SMYD3: variants seen among roughly 807,000 people sequenced by gnomAD.
SMYD3 encodes the protein histone-lysine N-methyltransferase SMYD3.
Under a neutral mutation model 57.7 loss-of-function variants are expected in SMYD3, and 36 were observed. The observed-to-expected ratio is 0.62, with a 90% CI of 0.48 to 0.82. SMYD3 has a LOEUF of 0.82. SMYD3 is among the 40% of genes least tolerant of loss of function. The pLI is 0.00. For missense variants in SMYD3, 515 were observed against 538.8 expected, an observed-to-expected ratio of 0.96 and a Z score of 0.44; for synonymous variants, 211 against 195.0, an observed-to-expected ratio of 1.08 and a Z score of -0.68.
chr1:246,184,230 T>C (rs2062597714), intron 5 of SMYD3, among the ~76,000 whole-genome samples: 2 of 152,172 alleles, frequency 1.3e-5, no homozygotes, highest in African/African-American at 2.4e-5. Flanking sequence ...AATCTAAATA[T>C]ATATATCATG....
chr1:246,007,209 C>T (rs2059190176), intron 5 of SMYD3, among the ~76,000 whole-genome samples: 1 of 152,210 alleles, frequency 6.6e-6, no homozygotes, highest in African/African-American at 2.4e-5. Flanking sequence ...TTATCCTTCC[C>T]AATCCGTAGA....
At chr1:245,763,202 C>T (rs929808943) in intron 11 of SMYD3, among the ~76,000 whole-genome samples, 4 of 152,216 alleles carry the variant, frequency 2.6e-5, no homozygotes, top group African/African-American at 9.6e-5. Context: ...TGACCTCCTT[C>T]GCTTCCTCCC....
At chr1:246,460,924 A>C (rs2067788032) in intron 1 of SMYD3, among the ~76,000 whole-genome samples, 1 of 152,232 alleles carries the variant, frequency 6.6e-6, no homozygotes, top group Admixed American at 6.5e-5. Flanking sequence ...CTTACAATGA[A>C]TGCTGTCTGG....
chr1:246,457,188 T>G (rs2067710616), intron 1 of SMYD3, among the ~76,000 whole-genome samples: 1 of 151,998 alleles, frequency 6.6e-6, no homozygotes, highest in Admixed American at 6.6e-5. Flanking sequence ...AGAATAAATC[T>G]TTCGAGAGGT....
chr1:246,187,655 T>C (rs928594855), intron 5 of SMYD3, among the ~76,000 whole-genome samples: 1 of 152,248 alleles, frequency 6.6e-6, no homozygotes, highest in African/African-American at 2.4e-5. Flanking sequence ...TCCGTTCATT[T>C]CTAAGCAAGA....
intron 5 of SMYD3, among the ~76,000 whole-genome samples, chr1:245,948,645 C>G (rs977798123): frequency 2.2e-3 from 3 of 1,344 alleles, no homozygotes; most frequent in African/African-American, 2.5e-3. Flanking sequence ...TGCCCTGGGC[C>G]CCAAATAGCC....
intron 10 of SMYD3, among the ~76,000 whole-genome samples, chr1:245,808,570 A>T (rs1012234597): frequency 6.6e-6 from 1 of 152,140 alleles, no homozygotes; most frequent in African/African-American, 2.4e-5. Flanking sequence ...GGACCGGGTG[A>T]GGCTGGCCAC....
rs182499894 is a variant in SMYD3 at position 246,202,594 on chromosome 1, C to T, written c.531+124607G>A. 1.4e-4 allele frequency among the ~76,000 whole-genome samples: 21 copies of T among 152,328 alleles called. No individual in the cohort carries two copies. Among genetic ancestry groups the T allele is most frequent in the African/African-American group, 3.8e-4 (16 of 41,574 alleles). ...TCTCCCTCAAATCATCGAAATGTGA[C>T]GTATTAAATCCACGCACAGTCTCAG... On this transcript the variant is annotated intron_variant, in intron 5 of 11. Coordinates refer to ENST00000490107, the MANE Select transcript of SMYD3 (RefSeq NM_001167740.2). The surrounding 1 kb of genome is among the most constrained non-coding windows in gnomAD (Gnocchi z 4.1).
intron 5 of SMYD3, among the ~76,000 whole-genome samples, chr1:246,122,019 C>G (rs987442294): frequency 6.6e-6 from 1 of 151,110 alleles, no homozygotes; most frequent in Admixed American, 6.6e-5. Flanking sequence ...TCCAAAATTT[C>G]AAATATAAAT....
intron 5 of SMYD3, among the ~76,000 whole-genome samples, chr1:246,025,100 C>A (rs1306740726): frequency 6.9e-6 from 1 of 144,174 alleles, no homozygotes; most frequent in Non-Finnish European, 1.5e-5. Context: ...TGGACAGCAT[C>A]TAGGAAGGAG....
intron 8 of SMYD3, among the ~76,000 whole-genome samples, chr1:245,908,531 T>A (rs1188715955): frequency 6.6e-6 from 1 of 152,198 alleles, no homozygotes; most frequent in African/African-American, 2.4e-5. Context: ...TAGAATATAC[T>A]TTCATCTCAT....
intron 5 of SMYD3, among the ~76,000 whole-genome samples, chr1:246,012,309 T>C (rs1233006883): frequency 6.6e-6 from 1 of 152,194 alleles, no homozygotes; most frequent in Non-Finnish European, 1.5e-5. Flanking sequence ...AAAACCCACA[T>C]TTGATAGACT....
At chr1:246,001,235 C>T (rs1041182052) in intron 5 of SMYD3, among the ~76,000 whole-genome samples, 1 of 152,184 alleles carries the variant, frequency 6.6e-6, no homozygotes, top group Non-Finnish European at 1.5e-5. Context: ...TAAATGACAT[C>T]TCGGAAAGTG....
intron 11 of SMYD3, among the ~76,000 whole-genome samples, chr1:245,750,875 T>C (rs1280304913): frequency 1.3e-5 from 2 of 152,052 alleles, no homozygotes; most frequent in Non-Finnish European, 2.9e-5. Flanking sequence ...CTCTCAGCCT[T>C]AGCTACACAG....
At chr1:246,299,874 G>A (rs1188497757) in intron 5 of SMYD3, among the ~76,000 whole-genome samples, 1 of 151,572 alleles carries the variant, frequency 6.6e-6, no homozygotes, top group Non-Finnish European at 1.5e-5. Flanking sequence ...CAGGAAAAAC[G>A]ACTACTGGGT....
intron 5 of SMYD3, among the ~76,000 whole-genome samples, chr1:246,280,200 A>G (rs546759475): frequency 6.6e-6 from 1 of 152,366 alleles, no homozygotes; most frequent in Admixed American, 6.5e-5. Context: ...GGAAATATTG[A>G]CATTTCATAT....
rs79549882 is a variant in SMYD3 at position 246,205,810 on chromosome 1, T to C, written c.531+121391A>G. On this transcript the variant is annotated intron_variant, in intron 5 of 11. Coordinates refer to ENST00000490107, the MANE Select transcript of SMYD3 (RefSeq NM_001167740.2). ...CTCCAGCCTGGGTGACAGAGAGAGATGCCACCTCAAAAAACAACAAAGACA... is the reference window on the plus strand; with the variant it reads ...CTCCAGCCTGGGTGACAGAGAGAGACGCCACCTCAAAAAACAACAAAGACA... Among the ~76,000 whole-genome samples the C allele has an allele frequency of 0.021, 3,134 of 152,148 alleles. 226 individuals carry two copies. In the East Asian group the frequency reaches 0.24, roughly 11 times the overall value.
intron 5 of SMYD3, among the ~76,000 whole-genome samples, chr1:246,271,114 A>C (rs2064211816): frequency 6.6e-6 from 1 of 152,136 alleles, no homozygotes; most frequent in Admixed American, 6.5e-5. Flanking sequence ...TCTTCTTTGG[A>C]AAAATGTCTA....
At chr1:246,224,233 A>C (rs997736984) in intron 5 of SMYD3, among the ~76,000 whole-genome samples, 1 of 152,080 alleles carries the variant, frequency 6.6e-6, no homozygotes, top group African/African-American at 2.4e-5. Context: ...CAGTAGATGT[A>C]ATGGGAAGCT....
Sources: gnomAD v4.1 joint callset for allele counts (sites outside exome capture counted in the v4.1 genomes callset) on GRCh38, gnomAD v4.1.1 for gene constraint, Gnocchi (gnomAD v3.1) non-coding constraint, MANE v1.5 for transcripts, NCBI Gene and HGNC (gene_info 2026-07-23, HGNC 2026-07-21) for gene names.